The following DNAAF11 variants were observed in gnomAD, a reference collection of about 807,000 sequenced individuals.
DNAAF11 encodes dynein axonemal assembly factor 11.
A neutral mutation model predicts 60.8 loss-of-function variants in DNAAF11; 45 were observed. That is an observed-to-expected ratio of 0.74 (90% CI 0.58 to 0.95). The LOEUF (loss-of-function observed/expected upper bound fraction) is 0.95, where lower values mean the gene tolerates loss of function less well. Among genes scored for constraint, DNAAF11 ranks in the 40% least tolerant of loss-of-function variants. DNAAF11 has a pLI of 0.00. For synonymous variants in DNAAF11, 191 were observed against 183.5 expected (o/e 1.04, Z -0.33); for missense variants, 546 against 546.2 (o/e 1.00, Z 0.00).
At chr8:132,594,834 A>G (rs368726101) in intron 10 of DNAAF11, among the ~76,000 whole-genome samples, 46 of 152,266 alleles carry the variant, frequency 3.0e-4, no homozygotes, top group African/African-American at 1.0e-3. Context: ...TAAATTACCC[A>G]GTCTGGGGCA....
rs1554613056 is a variant in DNAAF11, at chr8:132,674,121, G to GAGGAGCAGGAGGAGGAGGAGC, written c.10+1362_10+1363insGCTCCTCCTCCTCCTGCTCCT. Among the ~76,000 whole-genome samples the GAGGAGCAGGAGGAGGAGGAGC allele has an allele frequency of 3.9e-3, 389 of 99,634 alleles. 66 individuals carry two copies. Among genetic ancestry groups the GAGGAGCAGGAGGAGGAGGAGC allele is most frequent in the African/African-American group, 0.013 (318 of 23,658 alleles). The allele number at this position is 99,634 out of a possible 152,430, so 65.4% of individuals were successfully genotyped here. A position where few individuals can be genotyped will look rare whatever the true frequency, so the allele number is the denominator to read the frequency against. On this transcript the variant is annotated intron_variant, in intron 1 of 11. Coordinates refer to ENST00000620350, the MANE Select transcript of DNAAF11 (RefSeq NM_012472.6). Reference sequence around the variant, plus strand: ...GCAGGAGGAGGAGGAGCAGGAGGAGGAGGAGGAGGAGGAGAAGGAGGAGGA... The same window carrying GAGGAGCAGGAGGAGGAGGAGC: ...GCAGGAGGAGGAGGAGCAGGAGGAGGAGGAGCAGGAGGAGGAGGAGCAGGAGGAGGAGGAGAAGGAGGAGGA...
rs1239868229 is a variant in DNAAF11 at position 132,675,475 on chromosome 8, G to A, written c.10+9C>T. ...AACGATCGAGGACGGAAGGTGGAGG[G>A]GGGCTTACTCCAGCCCATGGCGCCT... On this transcript the variant is annotated intron_variant, in intron 1 of 11. Transcript: ENST00000620350. The A allele has an allele frequency of 6.4e-7, 1 of 1,566,352 alleles. No individual in the cohort carries two copies. Among genetic ancestry groups the A allele is most frequent in the African/African-American group, 1.4e-5 (1 of 72,398 alleles).
intron 3 of DNAAF11, chr8:132,643,693 T>C (rs1342535261): frequency 6.6e-6 from 3 of 456,074 alleles, no homozygotes; most frequent in East Asian, 1.4e-4. Context: ...ACATCTAAAA[T>C]AGGAATATCA....
rs75467827 is a variant in DNAAF11 at position 132,607,309 on chromosome 8, G to A, written c.1140+2857C>T. Among the ~76,000 whole-genome samples the A allele has an allele frequency of 4.1e-3, 624 of 152,306 alleles. 10 individuals carry two copies. Among genetic ancestry groups the A allele is most frequent in the African/African-American group, 0.014 (588 of 41,558 alleles). ...TGACAACTGACTTTCTGGGAAATGTGGCTGTATACTAGGGACCGTGATATT... is the reference window on the plus strand; with the variant it reads ...TGACAACTGACTTTCTGGGAAATGTAGCTGTATACTAGGGACCGTGATATT... On this transcript the variant is annotated intron_variant, in intron 10 of 11. Transcript: ENST00000620350.
At chr8:132,584,957 G>T (rs1238950964) in intron 10 of DNAAF11, among the ~76,000 whole-genome samples, 2 of 152,146 alleles carry the variant, frequency 1.3e-5, no homozygotes, top group South Asian at 2.1e-4. Context: ...TTAACACTAA[G>T]CCACATTCTC....
rs568555889 is a variant in DNAAF11, at chr8:132,658,580, C to T, written c.179-1673G>A. On this transcript the variant is annotated intron_variant, in intron 2 of 11. Coordinates refer to ENST00000620350, the MANE Select transcript of DNAAF11 (RefSeq NM_012472.6). ...TCGTGATCCAGCCGCCTTAGCCTCC[C>T]AAAGTGTTGGGATTACAGGCATGAG... Among the ~76,000 whole-genome samples, 24 of 152,266 alleles carry T rather than the reference C, an allele frequency of 1.6e-4. No homozygotes were observed. In the South Asian group the frequency reaches 4.6e-3, roughly 29 times the overall value.
At position 132,632,953 on chromosome 8, in the gene DNAAF11, C is replaced by T. The variant is rs1820953727; in HGVS notation, c.440G>A (p.Gly147Asp). The T allele has an allele frequency of 5.0e-6, 8 of 1,609,642 alleles. No individual in the cohort carries two copies. The highest frequency in any genetic ancestry group is 6.8e-6 in the Non-Finnish European group (8 of 1,176,602). The change falls in exon 5 of 12, where the codon GGT (glycine) becomes GAT (aspartate). Residue 147 changes from glycine (G) to aspartate (D), a missense_variant. Physicochemically the swap from Gly to Asp is moderately conservative, Grantham distance 94. Coordinates refer to ENST00000620350, the MANE Select transcript of DNAAF11 (RefSeq NM_012472.6). The stretch of plus-strand genomic sequence containing the variant: ...CCTTTCTGAAGGCTCTATTTCTTTA[C>T]CATCCAACCACTTAAAGAAAAACAA... ...ATLPQLKWLD[G>D]KEIEPSERIK...
At chr8:132,675,683 C>G (rs148476545), upstream of DNAAF11, 2 of 498,392 alleles carry the variant, frequency 4.0e-6, no homozygotes, top group African/African-American at 4.0e-5. Flanking sequence ...CAGAGGAGAC[C>G]GCAGTGAAGG....
At chr8:132,620,738 C>T (rs1819672800) in intron 7 of DNAAF11, among the ~76,000 whole-genome samples, 1 of 152,140 alleles carries the variant, frequency 6.6e-6, no homozygotes, top group Non-Finnish European at 1.5e-5. Flanking sequence ...ATCTTATGGT[C>T]TTCATGGGGG....
intron 7 of DNAAF11, among the ~76,000 whole-genome samples, chr8:132,618,744 T>C (rs1819446231): frequency 6.6e-6 from 1 of 151,892 alleles, no homozygotes; most frequent in Non-Finnish European, 1.5e-5. Context: ...AAAACCACAA[T>C]GAGATACCAT....
chr8:132,602,744 A>AAT (rs35316805), intron 10 of DNAAF11, among the ~76,000 whole-genome samples: 13,201 of 141,652 alleles, frequency 0.093, 1,037 homozygotes, highest in African/African-American at 0.22. Flanking sequence ...CTTAATTTGA[A>AAT]ATATATATAT....
chr8:132,677,821 C>A (rs984907850), upstream of DNAAF11, among the ~76,000 whole-genome samples: 1 of 152,094 alleles, frequency 6.6e-6, no homozygotes, highest in Non-Finnish European at 1.5e-5. Context: ...TTGCTGCATT[C>A]TTCTGAGGAA....
chr8:132,605,927 G>T (rs963483407), intron 10 of DNAAF11, among the ~76,000 whole-genome samples: 1 of 151,906 alleles, frequency 6.6e-6, no homozygotes, highest in South Asian at 2.1e-4. Context: ...GGTAGAAGAT[G>T]ATGTCAGGGA....
At chr8:132,575,454 TG>T (rs1814642773) in intron 11 of DNAAF11, among the ~76,000 whole-genome samples, 1 of 152,196 alleles carries the variant, frequency 6.6e-6, no homozygotes, top group African/African-American at 2.4e-5. Context: ...TGCCCAGTGC[TG>T]TAATCAGTGC....
chr8:132,622,763 T>G, intron 6 of DNAAF11, 75 bp from the exon 7 acceptor site: 2 of 1,014,864 alleles, frequency 2.0e-6, no homozygotes, highest in South Asian at 2.8e-5. Context: ...TAAAAGCAAT[T>G]AATACATTTT....
rs908939876 is a variant in DNAAF11, at chr8:132,661,970, G to A, written c.11-343C>T. On this transcript the variant is annotated intron_variant, in intron 1 of 11. Transcript: ENST00000620350. ...TCTTATGGTGGTACCATGTTAAAATGGATGAGATCCACTAACTAATCTGAG... is the reference window on the plus strand; with the variant it reads ...TCTTATGGTGGTACCATGTTAAAATAGATGAGATCCACTAACTAATCTGAG... Among the ~76,000 whole-genome samples the A allele has an allele frequency of 3.3e-5, 5 of 152,266 alleles. No individual in the cohort carries two copies. In the South Asian group the frequency reaches 6.2e-4, roughly 19 times the overall value.
chr8:132,572,526 T>A, intron 11 of DNAAF11, 46 bp from the exon 12 acceptor site: 2 of 1,436,824 alleles, frequency 1.4e-6, no homozygotes, highest in Non-Finnish European at 1.9e-6. Flanking sequence ...CTACATCATT[T>A]AAAATTTCAA....
intron 10 of DNAAF11, 61 bp from the exon 11 acceptor site, chr8:132,583,840 TA>T: frequency 9.5e-7 from 1 of 1,056,154 alleles, no homozygotes; most frequent in Non-Finnish European, 1.5e-6. Context: ...CCTTAAAAAA[TA>T]TACATATATG....
intron 10 of DNAAF11, among the ~76,000 whole-genome samples, chr8:132,596,440 C>CTT (rs1203565959): frequency 2.6e-5 from 4 of 152,024 alleles, no homozygotes; most frequent in Admixed American, 2.6e-4. Context: ...ACATTGCAGT[C>CTT]TAAAACTGAA....
Sources: gnomAD v4.1 joint callset for allele counts (sites outside exome capture counted in the v4.1 genomes callset) on GRCh38, gnomAD v4.1.1 for gene constraint, MANE v1.5 for transcripts, NCBI Gene and HGNC (gene_info 2026-07-23, HGNC 2026-07-21) for gene names.